Variants in KIAA1549L observed in about 807,000 individuals in gnomAD.
KIAA1549L encodes KIAA1549 like, also known as UPF0606 protein KIAA1549L.
In KIAA1549L, 88 loss-of-function variants were observed where a neutral mutation model predicts 160.7. The ratio of observed to expected loss-of-function variants is 0.55; its 90% CI spans 0.46 to 0.65. The LOEUF (loss-of-function observed/expected upper bound fraction) is 0.65, where lower values mean the gene tolerates loss of function less well. KIAA1549L is among the 30% of genes least tolerant of loss of function. The probability of loss-of-function intolerance (pLI) is 0.00; values close to 1 mark genes in which losing one functional copy is unlikely to be tolerated. For synonymous variants in KIAA1549L, 950 were observed against 976.7 expected, an observed-to-expected ratio of 0.97 and a Z score of 0.51; for missense variants, 2,258 against 2,437.5, an observed-to-expected ratio of 0.93 and a Z score of 1.55.
intron 1 of KIAA1549L, among the ~76,000 whole-genome samples, chr11:33,463,292 A>G (rs1851980418): frequency 6.6e-6 from 1 of 151,986 alleles, no homozygotes; most frequent in South Asian, 2.1e-4. Flanking sequence ...AGTCATCCTT[A>G]TTGTTGACTC....
Position 33,609,922 on chromosome 11 carries a change from T to A in KIAA1549L, c.5235T>A (p.Asp1745Glu), listed in dbSNP as rs747236805. The change falls in exon 15 of 21, where the codon GAT (aspartate) becomes GAA (glutamate). Residue 1745 changes from aspartate to glutamate, a missense_variant. By Grantham distance (45) the Asp-to-Glu change is conservative (BLOSUM62 2). This residue lies in a region of KIAA1549L where 1,359 missense variants were observed against 1,546.6 expected (regional missense o/e 0.88). Transcript: ENST00000658780. Reference protein sequence around the residue: ...KAPKEMEHVLDPDSELCAPFT... With the variant: ...KAPKEMEHVLEPDSELCAPFT... Reference sequence around the variant, plus strand: ...CGAAGGAAATGGAGCATGTTTTGGATCCAGATTCAGAACTCTGTGCTCCAT... The same window carrying A: ...CGAAGGAAATGGAGCATGTTTTGGAACCAGATTCAGAACTCTGTGCTCCAT... 1.4e-5 allele frequency: 22 copies of A among 1,613,994 alleles called. No individual in the cohort carries two copies. The highest frequency in any genetic ancestry group is 1.6e-5 in the Non-Finnish European group (19 of 1,179,874).
Position 33,645,957 on chromosome 11 carries a change from C to T in KIAA1549L, c.5681C>T (p.Thr1894Ile). Residue 1894 changes from threonine to isoleucine, a missense_variant, in exon 17 of 21, where the codon ACC becomes ATC. Thr to Ile is a moderately conservative substitution (Grantham distance 89). Around this residue, in one of 6 missense-constraint regions of KIAA1549L, gnomAD observed 1,359 missense variants for 1,546.6 expected, o/e 0.88. Transcript: ENST00000658780. ...GAGGTGGTGACCAGCGCTCCGGGGA[C>T]CATGACGCGGCCCAGGGCCGGGGTG... ...YSEVVTSAPG[T>I]MTRPRAGVQW... The T allele has an allele frequency of 1.2e-6, 2 of 1,612,566 alleles. No individual in the cohort carries two copies. Among genetic ancestry groups the T allele is most frequent in the South Asian group, 1.1e-5 (1 of 90,808 alleles).
intron 13 of KIAA1549L, chr11:33,599,209 G>A (rs1025148965): frequency 2.9e-5 from 7 of 242,410 alleles, no homozygotes; most frequent in East Asian, 8.2e-5. Flanking sequence ...AACCTTTTGC[G>A]GAATGAACTG....
At chr11:33,663,749 T>C (rs576489497) in intron 20 of KIAA1549L, among the ~76,000 whole-genome samples, 1 of 152,320 alleles carries the variant, frequency 6.6e-6, no homozygotes, top group Admixed American at 6.5e-5. Flanking sequence ...GACTCCCTGC[T>C]CTTGCTCTGC....
intron 1 of KIAA1549L, among the ~76,000 whole-genome samples, chr11:33,405,980 T>C (rs1447535978): frequency 1.3e-5 from 2 of 152,032 alleles, no homozygotes; most frequent in Non-Finnish European, 2.9e-5. Flanking sequence ...TATAGGAAGG[T>C]TAATGGGTTC....
intron 1 of KIAA1549L, among the ~76,000 whole-genome samples, chr11:33,419,661 C>G (rs1380647389): frequency 6.6e-6 from 1 of 151,988 alleles, no homozygotes; most frequent in Admixed American, 6.6e-5. Flanking sequence ...GCCTGGTCAA[C>G]ATAGTGAAAC....
At chr11:33,383,170 C>G (rs1166730971) in intron 1 of KIAA1549L, among the ~76,000 whole-genome samples, 1 of 151,988 alleles carries the variant, frequency 6.6e-6, no homozygotes, top group Non-Finnish European at 1.5e-5. Flanking sequence ...TAGCTCAAGT[C>G]TCAAATTACT....
At chr11:33,601,086 G>T (rs564164741) in intron 13 of KIAA1549L, among the ~76,000 whole-genome samples, 1 of 152,224 alleles carries the variant, frequency 6.6e-6, no homozygotes, top group East Asian at 1.9e-4. Context: ...TAAAACAGGT[G>T]GGTGCAGGAA....
intron 11 of KIAA1549L, among the ~76,000 whole-genome samples, 164 bp from the exon 12 acceptor site, chr11:33,591,073 A>C (rs1850037849): frequency 1.3e-5 from 2 of 152,220 alleles, no homozygotes; most frequent in Admixed American, 1.3e-4. Context: ...ATGGATTCTG[A>C]TTTTGAAGAG....
intron 1 of KIAA1549L, among the ~76,000 whole-genome samples, chr11:33,401,717 A>G (rs1161542012): frequency 1.3e-5 from 2 of 152,168 alleles, no homozygotes; most frequent in African/African-American, 4.8e-5. Context: ...ACATGCCACA[A>G]TGCCCAGCTA....
At chr11:33,410,977 CACACAAGGA>C (rs2134086867) in intron 1 of KIAA1549L, among the ~76,000 whole-genome samples, 1 of 152,204 alleles carries the variant, frequency 6.6e-6, no homozygotes, top group African/African-American at 2.4e-5. Context: ...TGGATTTGGC[CACACAAGGA>C]CCAGTTTAGG....
chr11:33,401,192 T>C (rs1036545051), intron 1 of KIAA1549L, among the ~76,000 whole-genome samples: 4 of 147,678 alleles, frequency 2.7e-5, no homozygotes, highest in Admixed American at 6.8e-5. Flanking sequence ...TCATATTATA[T>C]ATATATATAT....
chr11:33,645,654 A>G (rs1851696829), intron 16 of KIAA1549L, 32 bp from the exon 17 acceptor site: 1 of 1,520,970 alleles, frequency 6.6e-7, no homozygotes, highest in South Asian at 1.1e-5. Context: ...AAGGAAAGTA[A>G]ACACATCAAT....
intron 14 of KIAA1549L, 66 bp downstream of exon 14, chr11:33,606,888 C>A: frequency 7.3e-7 from 1 of 1,376,516 alleles, no homozygotes; most frequent in Non-Finnish European, 9.9e-7. Flanking sequence ...GACGAAGGAA[C>A]AACACCTGTG....
intron 16 of KIAA1549L, among the ~76,000 whole-genome samples, chr11:33,641,828 T>C (rs545932386): frequency 6.6e-6 from 1 of 152,026 alleles, no homozygotes; most frequent in Non-Finnish European, 1.5e-5. Flanking sequence ...CTTAAAACAG[T>C]GCCTGGCATG....
At chr11:33,655,862 A>T (rs1421179064) in intron 17 of KIAA1549L, 150 bp from the exon 18 acceptor site, 3 of 631,556 alleles carry the variant, frequency 4.8e-6, no homozygotes, top group East Asian at 2.7e-5. Context: ...ATGGCTGGAA[A>T]CATGTGAGGG....
At chr11:33,665,011 T>C (rs1302894949) in intron 20 of KIAA1549L, among the ~76,000 whole-genome samples, 1 of 152,210 alleles carries the variant, frequency 6.6e-6, no homozygotes, top group Non-Finnish European at 1.5e-5. Flanking sequence ...CCTGTCTGTC[T>C]TGCCTGAGCT....
At chr11:33,488,848 A>G (rs185435403) in intron 1 of KIAA1549L, among the ~76,000 whole-genome samples, 1 of 152,344 alleles carries the variant, frequency 6.6e-6, no homozygotes, top group East Asian at 1.9e-4. Flanking sequence ...CAGAGAGTGT[A>G]AATAATTTAT....
chr11:33,545,258 C>T lies in KIAA1549L; in HGVS notation c.3265C>T (p.Pro1089Ser), dbSNP rs766963251. ...CTCAGTGAAGGCCACCCGGTTGCCA[C>T]CATTGCGAGCAGAAAACACAGATGC... ...TASVKATRLP[P>S]LRAENTDAVL... The change falls in exon 3 of 21, where the codon CCA becomes TCA. Residue 1089 changes from proline (P) to serine (S), a missense_variant. Physicochemically the swap from Pro to Ser is moderately conservative, Grantham distance 74. This residue lies in a region of KIAA1549L where 1,359 missense variants were observed against 1,546.6 expected (regional missense o/e 0.88). Coordinates refer to ENST00000658780, the MANE Select transcript of KIAA1549L (RefSeq NM_012194.3). The T allele has an allele frequency of 3.7e-6, 6 of 1,614,024 alleles. No individual in the cohort carries two copies. Among genetic ancestry groups the T allele is most frequent in the Non-Finnish European group, 5.1e-6 (6 of 1,179,898 alleles).
Sources: gnomAD v4.1 joint callset for allele counts (sites outside exome capture counted in the v4.1 genomes callset) on GRCh38, gnomAD v4.1.1 for gene constraint, gnomAD v4.1.1 regional missense constraint, MANE v1.5 for transcripts, NCBI Gene and HGNC (gene_info 2026-07-23, HGNC 2026-07-21) for gene names.